TMEM62: variants seen among roughly 807,000 people sequenced by gnomAD.
The protein encoded by TMEM62 is transmembrane protein 62.
In TMEM62, 41 loss-of-function variants were observed where a neutral mutation model predicts 70.4. The ratio of observed to expected loss-of-function variants is 0.58; its 90% CI spans 0.45 to 0.76. TMEM62 has a LOEUF of 0.76. TMEM62 is among the 30% of genes least tolerant of loss of function. The probability of loss-of-function intolerance (pLI) is 0.00; values close to 1 mark genes in which losing one functional copy is unlikely to be tolerated. For missense variants in TMEM62, 688 were observed against 788.5 expected, an observed-to-expected ratio of 0.87 and a Z score of 1.53; for synonymous variants, 268 against 291.0, an observed-to-expected ratio of 0.92 and a Z score of 0.80.
At chr15:43,150,951 GA>G (rs1293849501) in intron 7 of TMEM62, among the ~76,000 whole-genome samples, 1 of 152,174 alleles carries the variant, frequency 6.6e-6, no homozygotes, top group Non-Finnish European at 1.5e-5. Context: ...CTAAAAGTTA[GA>G]AAATATAAAA....
Position 43,184,634 on chromosome 15 carries a change from T to G in TMEM62, c.*48T>G, listed in dbSNP as rs1199190408. ...GCTGGGCAGAAGCCCAGCCTCTGTG[T>G]CTGTAGCCCAGGCCTCTACCCCAGT... On this transcript the variant is annotated 3_prime_UTR_variant, in exon 14 of 14. Coordinates refer to ENST00000260403, the MANE Select transcript of TMEM62 (RefSeq NM_024956.4). 1 of 1,556,324 alleles carries G rather than the reference T, an allele frequency of 6.4e-7. No homozygotes were observed.
chr15:43,169,648 T>TTAGATATCG lies in TMEM62; in HGVS notation c.1353_1361dup (p.Arg452_Arg454dup). 1 of 1,614,212 alleles carries TTAGATATCG rather than the reference T, an allele frequency of 6.2e-7. No individual in the cohort carries two copies. ...AGCCAGCTCACCATTCTCATTATTTTTAGATATCGAGGATACCCAGAGCTT... is the reference window on the plus strand; with the variant it reads ...AGCCAGCTCACCATTCTCATTATTTTTAGATATCGTAGATATCGAGGATACCCAGAGCTT... On this transcript the variant is annotated inframe_insertion, in exon 11 of 14. Transcript: ENST00000260403.
chr15:43,148,621 A>G, intron 5 of TMEM62, 134 bp from the exon 6 acceptor site: 1 of 987,384 alleles, frequency 1.0e-6, no homozygotes. Context: ...CATAGAGGTC[A>G]TTAACTAGTA....
intron 13 of TMEM62, among the ~76,000 whole-genome samples, chr15:43,183,877 G>A (rs1390109480): frequency 6.6e-6 from 1 of 152,102 alleles, no homozygotes; most frequent in Non-Finnish European, 1.5e-5. Flanking sequence ...AAACAAAAAT[G>A]GAGGTAAGAA....
At chr15:43,138,865 CTA>C (rs1162909865) in intron 4 of TMEM62, among the ~76,000 whole-genome samples, 1 of 152,310 alleles carries the variant, frequency 6.6e-6, no homozygotes, top group East Asian at 1.9e-4. Flanking sequence ...TAAAATTTTT[CTA>C]TAAAGAATCT....
At chr15:43,169,016 C>T (rs2141970066) in intron 10 of TMEM62, 1 of 152,704 alleles carries the variant, frequency 6.5e-6, no homozygotes, top group Admixed American at 6.5e-5. Context: ...AACGCAAAGT[C>T]TCACAGTCAT....
intron 8 of TMEM62, among the ~76,000 whole-genome samples, chr15:43,152,357 G>A (rs1165712531): frequency 6.6e-6 from 1 of 151,892 alleles, no homozygotes; most frequent in Non-Finnish European, 1.5e-5. Flanking sequence ...TAATCCTTAT[G>A]GAATTGAAAA....
chr15:43,142,974 GAAGTATTTATAAATT>G (rs1389626408), intron 4 of TMEM62, among the ~76,000 whole-genome samples: 3 of 152,102 alleles, frequency 2.0e-5, no homozygotes, highest in Non-Finnish European at 2.9e-5. Flanking sequence ...CCAGTCAGTA[GAAGTATTTATAAATT>G]AAGGTATGTG....
In TMEM62 at chr15:43,184,757, A is replaced by G; in HGVS notation, c.*171A>G. The G allele has an allele frequency of 1.6e-6, 1 of 612,386 alleles. No individual in the cohort carries two copies. The highest frequency in any genetic ancestry group is 2.9e-6 in the Non-Finnish European group (1 of 349,282). The allele number at this position is 612,386 out of a possible 1,614,324, so 37.9% of individuals were successfully genotyped here. A position where few individuals can be genotyped will look rare whatever the true frequency, so the allele number is the denominator to read the frequency against. ...GGGATTACCCACTACTGATACCTGC[A>G]GAATGGACTGCAGAAAAGTCTCAAA... On this transcript the variant is annotated 3_prime_UTR_variant, in exon 14 of 14. Transcript: ENST00000260403.
At chr15:43,173,617 G>A (rs983455180) in intron 11 of TMEM62, among the ~76,000 whole-genome samples, 1 of 152,042 alleles carries the variant, frequency 6.6e-6, no homozygotes. Flanking sequence ...CCTACTTTAA[G>A]TTATTTTTCT....
At chr15:43,135,678 G>C in intron 3 of TMEM62, 29 bp downstream of exon 3, 1 of 1,547,684 alleles carries the variant, frequency 6.5e-7, no homozygotes, top group Admixed American at 2.3e-5. Flanking sequence ...ATACAATAAA[G>C]ACAAGAGTTT....
intron 3 of TMEM62, among the ~76,000 whole-genome samples, chr15:43,137,921 G>A (rs1178268063): frequency 6.6e-6 from 1 of 152,146 alleles, no homozygotes; most frequent in East Asian, 1.9e-4. Context: ...TCTCTGCCGG[G>A]CCTACACTCT....
At position 43,133,712 on chromosome 15, in the gene TMEM62, A is replaced by C; in HGVS notation, c.-91A>C. The C allele has an allele frequency of 2.3e-6, 2 of 887,432 alleles. No individual in the cohort carries two copies. Among genetic ancestry groups the C allele is most frequent in the Non-Finnish European group, 3.0e-6 (2 of 669,344 alleles). The allele number at this position is 887,432 out of a possible 1,614,324, so 55.0% of individuals were successfully genotyped here. A position where few individuals can be genotyped will look rare whatever the true frequency, so the allele number is the denominator to read the frequency against. On this transcript the variant is annotated 5_prime_UTR_variant, in exon 1 of 14. Coordinates refer to ENST00000260403, the MANE Select transcript of TMEM62 (RefSeq NM_024956.4). Reference sequence around the variant, plus strand: ...CATCCAGCTCTGGCCCTGCGACAATAGAGTCCGGAAGTGCAGGCAAAGCGG... The same window carrying C: ...CATCCAGCTCTGGCCCTGCGACAATCGAGTCCGGAAGTGCAGGCAAAGCGG...
chr15:43,134,264 A>G lies in TMEM62; in HGVS notation c.188A>G (p.Asp63Gly). The G allele has an allele frequency of 6.2e-7, 1 of 1,614,104 alleles. No homozygotes were observed. The highest frequency in any genetic ancestry group is 1.1e-5 in the South Asian group (1 of 91,078). Residue 63 changes from aspartate (D) to glycine (G), a missense_variant, in exon 2 of 14, where the codon GAC becomes GGC. Physicochemically the swap from Asp to Gly is moderately conservative, Grantham distance 94. Transcript: ENST00000260403. Reference protein sequence around the residue: ...SNIFWGLQISDIHLSRFRDPG... With the variant: ...SNIFWGLQISGIHLSRFRDPG... Reference sequence around the variant, plus strand: ...AATACCTGTTTTCGGCAGATATCCGACATTCACCTGAGCAGGTTTCGAGAT... The same window carrying G: ...AATACCTGTTTTCGGCAGATATCCGGCATTCACCTGAGCAGGTTTCGAGAT...
chr15:43,169,926 C>T, intron 11 of TMEM62: 1 of 318,370 alleles, frequency 3.1e-6, no homozygotes. Flanking sequence ...ATTGCTTCGG[C>T]CCCAAAAGTT....
At chr15:43,177,243 T>A (rs1325339669) in intron 11 of TMEM62, among the ~76,000 whole-genome samples, 5 of 151,860 alleles carry the variant, frequency 3.3e-5, no homozygotes, top group Non-Finnish European at 7.4e-5. Flanking sequence ...AAAAAACACA[T>A]GAAAAAATAC....
chr15:43,160,278 T>A (rs1219357781), intron 9 of TMEM62: 1 of 152,502 alleles, frequency 6.6e-6, no homozygotes, highest in South Asian at 2.1e-4. Context: ...CTAAGAAATA[T>A]TATTAAAAGT....
At chr15:43,160,627 T>C (rs1245672325) in intron 9 of TMEM62, 54 bp from the exon 10 acceptor site, 24 of 893,070 alleles carry the variant, frequency 2.7e-5, no homozygotes, top group Non-Finnish European at 4.1e-5. Flanking sequence ...ATTTAGAACA[T>C]TATAAATATT....
intron 10 of TMEM62, among the ~76,000 whole-genome samples, chr15:43,168,061 C>G (rs146112868): frequency 2.0e-5 from 3 of 151,524 alleles, no homozygotes; most frequent in Admixed American, 6.6e-5. Flanking sequence ...TGCAGTGAGC[C>G]GAGATGGCAG....
Sources: gnomAD v4.1 joint callset for allele counts (sites outside exome capture counted in the v4.1 genomes callset) on GRCh38, gnomAD v4.1.1 for gene constraint, MANE v1.5 for transcripts, NCBI Gene and HGNC (gene_info 2026-07-23, HGNC 2026-07-21) for gene names.